Variants in SUCLG2 observed in about 807,000 individuals in gnomAD.
The protein encoded by SUCLG2 is succinate--CoA ligase [GDP-forming] subunit beta, mitochondrial.
SUCLG2 carries 42 observed loss-of-function variants against 47.9 expected under a neutral mutation model. That is an observed-to-expected ratio of 0.88 (90% CI 0.69 to 1.14). The LOEUF is 1.14. SUCLG2 is among the 50% of genes most tolerant of loss of function. SUCLG2 has a pLI of 0.00. For missense variants in SUCLG2, 571 were observed against 525.9 expected, an observed-to-expected ratio of 1.09 and a Z score of -0.84; for synonymous variants, 195 against 197.3, an observed-to-expected ratio of 0.99 and a Z score of 0.10.
chr3:67,484,518 T>C (rs1045710856), intron 9 of SUCLG2, among the ~76,000 whole-genome samples: 2 of 152,166 alleles, frequency 1.3e-5, no homozygotes, highest in Non-Finnish European at 2.9e-5. Flanking sequence ...AAGTATACAA[T>C]AGTTGCATAA....
downstream of SUCLG2, among the ~76,000 whole-genome samples, chr3:67,372,037 A>T (rs1701961534): frequency 6.6e-6 from 1 of 152,162 alleles, no homozygotes; most frequent in Non-Finnish European, 1.5e-5. Context: ...AATACTCAGG[A>T]GATTTAGACC....
At chr3:67,380,212 G>A (rs1398407478) in intron 10 of SUCLG2, among the ~76,000 whole-genome samples, 1 of 148,960 alleles carries the variant, frequency 6.7e-6, no homozygotes, top group African/African-American at 2.5e-5. Flanking sequence ...TAGGGGTTTT[G>A]GGAGTGGCTC....
At position 67,512,350 on chromosome 3, in the gene SUCLG2, C is replaced by A. The variant is rs553356042; in HGVS notation, c.661-3447G>T. ...TGCGAAGCCAGCAAATACTTCATTGCGGAATATTTTTTGTATTTTAGGGGG... is the reference window on the plus strand; with the variant it reads ...TGCGAAGCCAGCAAATACTTCATTGAGGAATATTTTTTGTATTTTAGGGGG... On this transcript the variant is annotated intron_variant, in intron 6 of 10. Coordinates refer to ENST00000307227, the MANE Select transcript of SUCLG2 (RefSeq NM_003848.4). Among the ~76,000 whole-genome samples the A allele has an allele frequency of 2.0e-5, 3 of 151,076 alleles. No individual in the cohort carries two copies. In the East Asian group the frequency reaches 5.8e-4, roughly 29 times the overall value.
downstream of SUCLG2, among the ~76,000 whole-genome samples, chr3:67,373,316 T>C (rs573146040): frequency 1.5e-3 from 232 of 151,952 alleles, 1 homozygote; most frequent in Non-Finnish European, 3.0e-3. Context: ...GAAAATAAAA[T>C]GTAGAAGAAT....
At chr3:67,625,115 C>G (rs765791295) in intron 1 of SUCLG2, among the ~76,000 whole-genome samples, 4 of 152,172 alleles carry the variant, frequency 2.6e-5, no homozygotes, top group Non-Finnish European at 5.9e-5. Flanking sequence ...GATGATATTG[C>G]TACAAGCTAA....
At chr3:67,520,383 AC>A in intron 5 of SUCLG2, 98 bp downstream of exon 5, 1 of 1,531,276 alleles carries the variant, frequency 6.5e-7, no homozygotes, top group Non-Finnish European at 9.0e-7. Context: ...AATTGTAGAG[AC>A]AGATTTAGTG....
chr3:67,606,123 C>G (rs377128257), intron 2 of SUCLG2, among the ~76,000 whole-genome samples: 231 of 152,072 alleles, frequency 1.5e-3, no homozygotes, highest in Middle Eastern at 6.8e-3. Context: ...GAGGATCACT[C>G]GAGCCCAGGA....
intron 1 of SUCLG2, among the ~76,000 whole-genome samples, chr3:67,628,608 C>T (rs906662307): frequency 6.6e-6 from 1 of 152,184 alleles, no homozygotes; most frequent in African/African-American, 2.4e-5. Flanking sequence ...GTAACTGAAT[C>T]ATGGGGGTGG....
intron 6 of SUCLG2, among the ~76,000 whole-genome samples, chr3:67,511,103 G>A (rs1167361678): frequency 6.6e-6 from 1 of 151,360 alleles, no homozygotes. Context: ...TGGCCAGGAT[G>A]GTCTCAATCT....
downstream of SUCLG2, among the ~76,000 whole-genome samples, chr3:67,370,887 T>C (rs963208173): frequency 1.3e-5 from 2 of 152,230 alleles, no homozygotes; most frequent in African/African-American, 4.8e-5. Context: ...TATTTATTTA[T>C]TTAAAACGAT....
At chr3:67,539,996 C>A (rs1706657461) in intron 2 of SUCLG2, among the ~76,000 whole-genome samples, 1 of 150,538 alleles carries the variant, frequency 6.6e-6, no homozygotes. Flanking sequence ...TTAGCCTTTT[C>A]AAAAAAAACA....
chr3:67,608,287 C>T (rs1700459865), intron 2 of SUCLG2, among the ~76,000 whole-genome samples: 1 of 152,182 alleles, frequency 6.6e-6, no homozygotes, highest in African/African-American at 2.4e-5. Context: ...CATGTTTCTC[C>T]CAGCCACTAA....
chr3:67,522,899 C>T (rs569246472), intron 4 of SUCLG2, among the ~76,000 whole-genome samples: 79 of 151,896 alleles, frequency 5.2e-4, no homozygotes, highest in Admixed American at 3.2e-3. Context: ...CTCCTGACCT[C>T]GTGATCCGCC....
intron 1 of SUCLG2, among the ~76,000 whole-genome samples, chr3:67,632,313 G>A (rs913337045): frequency 1.3e-5 from 2 of 152,054 alleles, no homozygotes; most frequent in African/African-American, 4.8e-5. Context: ...CTCCCAAGTA[G>A]CTGGGACTAC....
intron 9 of SUCLG2, among the ~76,000 whole-genome samples, chr3:67,413,130 C>G (rs1411464201): frequency 6.6e-6 from 1 of 151,658 alleles, no homozygotes; most frequent in Non-Finnish European, 1.5e-5. Flanking sequence ...TGCTCATTAG[C>G]TGTCTGGATC....
At chr3:67,521,081 T>C (rs920715928) in intron 4 of SUCLG2, among the ~76,000 whole-genome samples, 1 of 152,264 alleles carries the variant, frequency 6.6e-6, no homozygotes, top group African/African-American at 2.4e-5. Context: ...ATGCTTCATA[T>C]GTTTGTGTAT....
intron 7 of SUCLG2, among the ~76,000 whole-genome samples, chr3:67,503,561 C>A (rs1354570178): frequency 6.6e-6 from 1 of 152,116 alleles, no homozygotes; most frequent in East Asian, 1.9e-4. Context: ...ACAAACAATA[C>A]AAAATGCATT....
intron 8 of SUCLG2, among the ~76,000 whole-genome samples, chr3:67,496,395 GTT>G (rs1163406585): frequency 6.6e-6 from 1 of 152,096 alleles, no homozygotes; most frequent in African/African-American, 2.4e-5. Flanking sequence ...AATTCTCAAT[GTT>G]TTGTTTGCTG....
chr3:67,444,163 A>T (rs371583860), intron 9 of SUCLG2, among the ~76,000 whole-genome samples: 2 of 27,320 alleles, frequency 7.3e-5, no homozygotes, highest in African/African-American at 1.3e-4. Flanking sequence ...GAGGTGGGGG[A>T]GTCAGCCCCC....
Sources: gnomAD v4.1 joint callset for allele counts (sites outside exome capture counted in the v4.1 genomes callset) on GRCh38, gnomAD v4.1.1 for gene constraint, MANE v1.5 for transcripts, NCBI Gene and HGNC (gene_info 2026-07-23, HGNC 2026-07-21) for gene names.